The following SORCS3 variants were observed in gnomAD, a reference collection of about 807,000 sequenced individuals.
SORCS3 encodes VPS10 domain-containing receptor SorCS3.
Under a neutral mutation model 146.3 loss-of-function variants are expected in SORCS3, and 57 were observed. The ratio of observed to expected loss-of-function variants is 0.39; its 90% confidence interval spans 0.31 to 0.49. SORCS3 has a LOEUF of 0.49. Among genes scored for constraint, SORCS3 ranks in the 20% least tolerant of loss-of-function variants. The pLI, the probability that SORCS3 is intolerant of heterozygous loss-of-function variation, is 0.92. For missense variants in SORCS3, 1,341 were observed against 1,575.5 expected, an observed-to-expected ratio of 0.85 and a Z score of 2.52; for synonymous variants, 653 against 618.5, an observed-to-expected ratio of 1.06 and a Z score of -0.83.
At chr10:105,250,579 G>A (rs1463305575) in intron 22 of SORCS3, among the ~76,000 whole-genome samples, 1 of 152,088 alleles carries the variant, frequency 6.6e-6, no homozygotes, top group East Asian at 1.9e-4. Flanking sequence ...CTGAGACAAA[G>A]GGTCACACCA....
chr10:105,168,980 G>A (rs2056337494), intron 13 of SORCS3, among the ~76,000 whole-genome samples: 1 of 152,088 alleles, frequency 6.6e-6, no homozygotes, highest in African/African-American at 2.4e-5. Context: ...TTTTTTGGTA[G>A]TATCCAAAGA....
intron 4 of SORCS3, among the ~76,000 whole-genome samples, chr10:105,009,515 CAAACAAACAAACAAAAAAA>C (rs1234395925): frequency 3.9e-5 from 1 of 25,958 alleles, no homozygotes. Flanking sequence ...AACAAACAAA[CAAACAAACAAACAAAAAAA>C]AAAAAAAAAA....
intron 1 of SORCS3, among the ~76,000 whole-genome samples, chr10:104,806,614 G>A (rs753025155): frequency 7.2e-5 from 11 of 152,256 alleles, no homozygotes; most frequent in South Asian, 6.2e-4. Flanking sequence ...GGGAAATAAC[G>A]TAAGTTTTGT....
At chr10:104,769,499 T>A (rs549951029) in intron 1 of SORCS3, among the ~76,000 whole-genome samples, 1 of 152,264 alleles carries the variant, frequency 6.6e-6, no homozygotes, top group African/African-American at 2.4e-5. Context: ...TTTGGGGAGA[T>A]GCCTGCTGAG....
chr10:104,795,836 A>G (rs2017548607), intron 1 of SORCS3, among the ~76,000 whole-genome samples: 1 of 152,226 alleles, frequency 6.6e-6, no homozygotes, highest in African/African-American at 2.4e-5. Flanking sequence ...CTTTGGTACA[A>G]TCTAATTTGA....
rs556603474 is a variant in SORCS3 at position 105,217,559 on chromosome 10, A to G, written c.2734+437A>G. On this transcript the variant is annotated intron_variant, in intron 19 of 26. Transcript: ENST00000369701. ...GTGTTGTAAGAGCCAGAGAAGGATT[A>G]AAGAAACATGTTTAGATATTTTTAA... Among the ~76,000 whole-genome samples, 13 of 152,378 alleles carry G rather than the reference A, an allele frequency of 8.5e-5. No homozygotes were observed. In the East Asian group the frequency reaches 2.3e-3, roughly 27 times the overall value.
intron 1 of SORCS3, among the ~76,000 whole-genome samples, chr10:104,779,804 C>G (rs1274299290): frequency 6.6e-6 from 1 of 152,172 alleles, no homozygotes; most frequent in Non-Finnish European, 1.5e-5. Flanking sequence ...TCTTCATTCC[C>G]CATCTCCACT....
chr10:104,735,456 GTTTTT>G lies in SORCS3; in HGVS notation c.627+93519_627+93523del, dbSNP rs56203751. ...CGGTATTCATGAGCTCTCACCGTCT[GTTTTT>G]TTTTTTTTTTTTTTTTAATCAATCC... is the stretch of plus-strand genomic sequence containing the variant. On this transcript the variant is annotated intron_variant, in intron 1 of 26. Coordinates refer to ENST00000369701, the MANE Select transcript of SORCS3 (RefSeq NM_014978.3). Among the ~76,000 whole-genome samples, 72 of 35,008 alleles carry G rather than the reference GTTTTT, an allele frequency of 2.1e-3. 3 individuals carry two copies. Among genetic ancestry groups the G allele is most frequent in the African/African-American group, 6.7e-3 (54 of 8,010 alleles). 23.0% of individuals were successfully genotyped at this position (35,008 alleles called of 152,430 possible).
intron 5 of SORCS3, among the ~76,000 whole-genome samples, chr10:105,089,450 T>A (rs2055686021): frequency 1.3e-5 from 2 of 152,146 alleles, no homozygotes. Context: ...AAGGGAGAAC[T>A]TCTGGGAAGG....
At chr10:105,008,526 C>T (rs2055111695) in intron 4 of SORCS3, among the ~76,000 whole-genome samples, 1 of 152,172 alleles carries the variant, frequency 6.6e-6, no homozygotes, top group African/African-American at 2.4e-5. Flanking sequence ...ATGAGAATTC[C>T]ACAGTGAGGT....
chr10:104,680,097 C>T (rs2015953615), intron 1 of SORCS3, among the ~76,000 whole-genome samples: 2 of 152,140 alleles, frequency 1.3e-5, no homozygotes, highest in Non-Finnish European at 2.9e-5. Flanking sequence ...TTCATTCACA[C>T]ATTTATTCAT....
intron 1 of SORCS3, among the ~76,000 whole-genome samples, chr10:104,718,254 T>A (rs2016502622): frequency 1.3e-5 from 2 of 152,118 alleles, no homozygotes; most frequent in South Asian, 4.1e-4. Flanking sequence ...CCCTACCTGG[T>A]GTAGGCCTTT....
intron 4 of SORCS3, among the ~76,000 whole-genome samples, chr10:104,992,360 A>G (rs192065461): frequency 6.6e-6 from 1 of 152,206 alleles, no homozygotes; most frequent in East Asian, 1.9e-4. Flanking sequence ...CTCAGATGGA[A>G]ACTCGTATTT....
At chr10:105,181,468 T>A (rs2056442273) in intron 14 of SORCS3, among the ~76,000 whole-genome samples, 1 of 152,124 alleles carries the variant, frequency 6.6e-6, no homozygotes, top group Non-Finnish European at 1.5e-5. Context: ...TTACTGGGAA[T>A]GATTCTGATT....
chr10:104,827,545 A>G (rs1403813139), intron 1 of SORCS3, among the ~76,000 whole-genome samples: 2 of 152,200 alleles, frequency 1.3e-5, no homozygotes, highest in Non-Finnish European at 2.9e-5. Context: ...ATGTGCTGTC[A>G]TCCAAGCTTT....
chr10:104,688,158 G>A (rs989846080), intron 1 of SORCS3, among the ~76,000 whole-genome samples: 2 of 152,190 alleles, frequency 1.3e-5, no homozygotes, highest in African/African-American at 4.8e-5. Flanking sequence ...TCCCAGAAGC[G>A]GGTCTGGATT....
chr10:104,785,083 C>A (rs574896396), intron 1 of SORCS3, among the ~76,000 whole-genome samples: 16 of 152,234 alleles, frequency 1.1e-4, no homozygotes, highest in Admixed American at 3.9e-4. Flanking sequence ...GGGGCTGACC[C>A]CCCCCCACCT....
chr10:105,154,558 T>G (rs1589658923), intron 9 of SORCS3, among the ~76,000 whole-genome samples: 1 of 152,184 alleles, frequency 6.6e-6, no homozygotes, highest in African/African-American at 2.4e-5. Flanking sequence ...CCTGGACTGC[T>G]GAAATAATCA....
At chr10:105,003,951 C>T (rs1317121383) in intron 4 of SORCS3, among the ~76,000 whole-genome samples, 1 of 151,392 alleles carries the variant, frequency 6.6e-6, no homozygotes, top group Admixed American at 6.6e-5. Context: ...GATGCCAAAC[C>T]TCCTTGTTTC....
Sources: allele counts gnomAD v4.1 joint callset (sites outside exome capture counted in the v4.1 genomes callset), GRCh38; gene constraint gnomAD v4.1.1; transcripts MANE v1.5; gene names NCBI Gene and HGNC (gene_info 2026-07-23, HGNC 2026-07-21).